The following MAP4 variants were observed in gnomAD, a reference collection of about 807,000 sequenced individuals.
MAP4 encodes microtubule associated protein 4.
MAP4 carries 76 observed loss-of-function variants against 170.2 expected under a neutral mutation model. The ratio of observed to expected loss-of-function variants is 0.45; its 90% CI spans 0.37 to 0.54. The LOEUF is 0.54. Among genes scored for constraint, MAP4 ranks in the 20% least tolerant of loss-of-function variants. MAP4 has a pLI of 0.00. For missense variants in MAP4, 2,506 were observed against 2,748.0 expected (o/e 0.91, Z 1.97); for synonymous variants, 909 against 994.5 (o/e 0.91, Z 1.62).
chr3:48,050,972 G>A (rs1039997321), intron 1 of MAP4, among the ~76,000 whole-genome samples: 14 of 151,162 alleles, frequency 9.3e-5, no homozygotes, highest in African/African-American at 9.7e-5. Flanking sequence ...CTCATATATC[G>A]CGGTACAAAA....
chr3:47,933,664 G>A (rs1418237157), intron 3 of MAP4, among the ~76,000 whole-genome samples: 2 of 149,854 alleles, frequency 1.3e-5, no homozygotes, highest in African/African-American at 2.5e-5. Context: ...GCAGTGGCGC[G>A]ATCTGGGCTC....
At chr3:48,048,282 A>G (rs1467098373) in intron 1 of MAP4, among the ~76,000 whole-genome samples, 2 of 152,204 alleles carry the variant, frequency 1.3e-5, no homozygotes, top group Non-Finnish European at 2.9e-5. Context: ...TAAGAAAGCC[A>G]CAGACAATGG....
rs569285130 is a variant in MAP4 at position 47,989,677 on chromosome 3, G to GT, written c.223+8960dup. ...AAGCCCAGGAGAGAATAAAAACAAC[G>GT]TAACAACACTAAAAACAATAAGGTT... On this transcript the variant is annotated intron_variant, in intron 2 of 20. Coordinates refer to ENST00000683076, the MANE Select transcript of MAP4 (RefSeq NM_001385682.1). Among the ~76,000 whole-genome samples, 446 of 152,142 alleles carry GT rather than the reference G, an allele frequency of 2.9e-3. 2 individuals carry two copies. Among genetic ancestry groups the GT allele is most frequent in the African/African-American group, 9.9e-3 (412 of 41,496 alleles).
chr3:47,919,713 T>C (rs910226298), intron 5 of MAP4, among the ~76,000 whole-genome samples: 2 of 152,164 alleles, frequency 1.3e-5, no homozygotes, highest in Middle Eastern at 6.3e-3. Context: ...TAATCAACAT[T>C]CACTGGCTAC....
chr3:48,068,776 T>A (rs2100139627), intron 1 of MAP4, among the ~76,000 whole-genome samples: 1 of 152,192 alleles, frequency 6.6e-6, no homozygotes, highest in Non-Finnish European at 1.5e-5. Flanking sequence ...AGAGCGTCCG[T>A]CTCAAAGAAG....
At chr3:47,866,646 C>T (rs746264550) in intron 17 of MAP4, among the ~76,000 whole-genome samples, 45 of 150,302 alleles carry the variant, frequency 3.0e-4, no homozygotes, top group Non-Finnish European at 1.9e-4. Context: ...CCCGGCTACT[C>T]GGGAGGCTGA....
intron 10 of MAP4, among the ~76,000 whole-genome samples, chr3:47,896,566 C>CATAT (rs900147289): frequency 3.3e-5 from 5 of 151,462 alleles, no homozygotes; most frequent in African/African-American, 9.7e-5. Flanking sequence ...AGAAACTGTA[C>CATAT]ATATATATAT....
chr3:48,062,207 G>C (rs1011855972), intron 1 of MAP4, among the ~76,000 whole-genome samples: 1 of 151,528 alleles, frequency 6.6e-6, no homozygotes, highest in Non-Finnish European at 1.5e-5. Flanking sequence ...CCCCCAACCC[G>C]GTGCTCTCTG....
At chr3:47,897,941 CG>C (rs571716006) in intron 10 of MAP4, among the ~76,000 whole-genome samples, 29 of 119,342 alleles carry the variant, frequency 2.4e-4, no homozygotes, top group South Asian at 1.7e-3. Flanking sequence ...GACTCCATAT[CG>C]GGGGGGGGAA....
chr3:48,002,591 A>G (rs549708710), intron 1 of MAP4, among the ~76,000 whole-genome samples: 1 of 151,332 alleles, frequency 6.6e-6, no homozygotes, highest in Non-Finnish European at 1.5e-5. Flanking sequence ...AAATAAAAAT[A>G]AAAAATAAAT....
In MAP4 at chr3:47,853,444, C is replaced by T. The variant is rs1014312591; in HGVS notation, c.6697-92G>A. ...TGGTGGGTTTCACACACAGCCCCCA[C>T]CCTTGCTGCCCTGGCACCCACTGGC... On this transcript the variant is annotated intron_variant, in intron 19 of 20. Coordinates refer to ENST00000683076, the MANE Select transcript of MAP4 (RefSeq NM_001385682.1). The T allele has an allele frequency of 3.3e-6, 3 of 910,388 alleles. No individual in the cohort carries two copies. In the African/African-American group the frequency reaches 5.0e-5, roughly 15 times the overall value. 56.4% of individuals were successfully genotyped at this position (910,388 alleles called of 1,614,324 possible).
chr3:48,069,332 C>T (rs553487492), intron 1 of MAP4, among the ~76,000 whole-genome samples: 3 of 152,278 alleles, frequency 2.0e-5, no homozygotes, highest in Admixed American at 6.5e-5. Flanking sequence ...ATCCCAGTCA[C>T]GAAGCCCTTA....
intron 1 of MAP4, among the ~76,000 whole-genome samples, chr3:48,021,576 G>A (rs2100110586): frequency 6.6e-6 from 1 of 152,118 alleles, no homozygotes; most frequent in African/African-American, 2.4e-5. Context: ...TCAAACTCCT[G>A]ACCTTGTGAT....
At chr3:47,956,801 AC>A (rs36058689) in intron 3 of MAP4, among the ~76,000 whole-genome samples, 1 of 152,162 alleles carries the variant, frequency 6.6e-6, no homozygotes, top group East Asian at 1.9e-4. Context: ...GCTCAATAAA[AC>A]CCATGGAAAA....
At position 47,922,543 on chromosome 3, in the gene MAP4, AAGAC is replaced by A. The variant is rs941867922; in HGVS notation, c.416-669_416-666del. 7.1e-4 allele frequency among the ~76,000 whole-genome samples: 106 copies of A among 148,908 alleles called. 1 individual carries two copies. Among genetic ancestry groups the A allele is most frequent in the East Asian group, 1.9e-4 (1 of 5,154 alleles). On this transcript the variant is annotated intron_variant, in intron 4 of 20. Coordinates refer to ENST00000683076, the MANE Select transcript of MAP4 (RefSeq NM_001385682.1). ...CATTCATTTTAAGTTACTTTTTAAA[AAGAC>A]AGAGCCATTAACAAGCTTAAAAAAA...
At chr3:48,085,661 C>A (rs1311225932) in intron 1 of MAP4, among the ~76,000 whole-genome samples, 1 of 152,200 alleles carries the variant, frequency 6.6e-6, no homozygotes. Flanking sequence ...ATGGCTCATG[C>A]CTGTAATCCC....
intron 3 of MAP4, among the ~76,000 whole-genome samples, chr3:47,959,157 CTTTTAAAAATGTATATA>C (rs2100069773): frequency 1.3e-5 from 2 of 151,750 alleles, no homozygotes; most frequent in Non-Finnish European, 2.9e-5. Context: ...AAAGAAAGCA[CTTTTAAAAATGTATATA>C]CATGAAGGTG....
intron 1 of MAP4, among the ~76,000 whole-genome samples, chr3:48,024,892 T>C (rs1037610597): frequency 6.6e-6 from 1 of 152,084 alleles, no homozygotes; most frequent in Admixed American, 6.6e-5. Context: ...GCTACATTTA[T>C]AAGTAAAAGT....
chr3:47,991,084 G>A (rs867598695), intron 2 of MAP4, among the ~76,000 whole-genome samples: 1 of 152,194 alleles, frequency 6.6e-6, no homozygotes, highest in African/African-American at 2.4e-5. Context: ...AAGGAATAAA[G>A]GTCGGGGGGT....
Sources: allele counts gnomAD v4.1 joint callset (sites outside exome capture counted in the v4.1 genomes callset), GRCh38; gene constraint gnomAD v4.1.1; transcripts MANE v1.5; gene names NCBI Gene and HGNC (gene_info 2026-07-23, HGNC 2026-07-21).